The following ABCB1 variants were observed in gnomAD, a reference collection of about 807,000 sequenced individuals.
ABCB1 encodes the protein ATP-dependent translocase ABCB1.
In ABCB1, 69 loss-of-function variants were observed where a neutral mutation model predicts 142.0. The ratio of observed to expected loss-of-function variants is 0.49; its 90% CI spans 0.40 to 0.59. The LOEUF (loss-of-function observed/expected upper bound fraction) is 0.59. Among genes scored for constraint, ABCB1 ranks in the 20% least tolerant of loss-of-function variants. The pLI is 0.00. For missense variants in ABCB1, 1,326 were observed against 1,554.7 expected (o/e 0.85, Z 2.47); for synonymous variants, 532 against 539.2 (o/e 0.99, Z 0.18).
intron 20 of ABCB1, among the ~76,000 whole-genome samples, chr7:87,533,309 G>C (rs1455128579): frequency 1.3e-5 from 2 of 152,162 alleles, no homozygotes; most frequent in African/African-American, 4.8e-5. Flanking sequence ...GGGCTTGTGA[G>C]AGAAGCTCTT....
At chr7:87,660,960 G>C (rs769498687) in intron 1 of ABCB1, among the ~76,000 whole-genome samples, 21 of 152,004 alleles carry the variant, frequency 1.4e-4, no homozygotes, top group Middle Eastern at 3.5e-3. Context: ...ACTTACTTAA[G>C]GGCCTAGTTT....
At chr7:87,711,219 G>A (rs28381724) in intron 1 of ABCB1, among the ~76,000 whole-genome samples, 21,009 of 151,838 alleles carry the variant, frequency 0.14, 1,608 homozygotes, top group Admixed American at 0.23. Flanking sequence ...CCAGCTACTC[G>A]GGAGGCGGAG....
intron 1 of ABCB1, among the ~76,000 whole-genome samples, chr7:87,652,727 TC>T (rs1310445629): frequency 1.3e-5 from 2 of 151,046 alleles, no homozygotes; most frequent in African/African-American, 4.9e-5. Context: ...ATATATTATT[TC>T]CTATTTTTTG....
chr7:87,643,713 G>C (rs1226690445), intron 1 of ABCB1, among the ~76,000 whole-genome samples: 10 of 150,654 alleles, frequency 6.6e-5, no homozygotes, highest in Non-Finnish European at 1.5e-4. Flanking sequence ...TTTTAGTAGA[G>C]ACAGGGTTTC....
intron 1 of ABCB1, among the ~76,000 whole-genome samples, chr7:87,644,186 T>C (rs1173447230): frequency 6.6e-6 from 1 of 152,234 alleles, no homozygotes; most frequent in Non-Finnish European, 1.5e-5. Context: ...TGAAAAATTC[T>C]CTGTGTTTCT....
At chr7:87,506,430 C>T (rs1449679807) in intron 26 of ABCB1, among the ~76,000 whole-genome samples, 1 of 152,160 alleles carries the variant, frequency 6.6e-6, no homozygotes, top group Admixed American at 6.5e-5. Context: ...TTACTTGTAA[C>T]CAGCAGGTGA....
chr7:87,704,642 T>C (rs887710782), intron 1 of ABCB1, among the ~76,000 whole-genome samples: 1 of 152,338 alleles, frequency 6.6e-6, no homozygotes, highest in East Asian at 1.9e-4. Context: ...AGTACTGGTA[T>C]TGAGAATCAA....
intron 9 of ABCB1, among the ~76,000 whole-genome samples, chr7:87,551,442 T>C (rs1225793907): frequency 6.6e-6 from 1 of 152,240 alleles, no homozygotes; most frequent in Non-Finnish European, 1.5e-5. Flanking sequence ...TCACATTGTA[T>C]TCCGTAAGTG....
intron 1 of ABCB1, among the ~76,000 whole-genome samples, chr7:87,643,643 C>T (rs1167848785): frequency 2.6e-5 from 4 of 151,652 alleles, no homozygotes; most frequent in African/African-American, 9.7e-5. Flanking sequence ...GCCTCAGCCT[C>T]CTGAGTAGCT....
intron 1 of ABCB1, among the ~76,000 whole-genome samples, chr7:87,611,190 G>T (rs1195790271): frequency 6.6e-6 from 1 of 152,078 alleles, no homozygotes; most frequent in Non-Finnish European, 1.5e-5. Flanking sequence ...TCTGTCTTCT[G>T]CTTACCTCTA....
At chr7:87,584,787 T>C (rs1818662296) in intron 4 of ABCB1, among the ~76,000 whole-genome samples, 1 of 152,128 alleles carries the variant, frequency 6.6e-6, no homozygotes, top group African/African-American at 2.4e-5. Context: ...TTTTCCCACC[T>C]GTTACTGTTT....
intron 9 of ABCB1, among the ~76,000 whole-genome samples, chr7:87,551,554 C>A (rs959709456): frequency 3.0e-4 from 45 of 152,068 alleles, no homozygotes; most frequent in African/African-American, 1.0e-3. Context: ...TGCAGTGGTG[C>A]AATCTTGGCT....
intron 1 of ABCB1, among the ~76,000 whole-genome samples, chr7:87,622,725 A>G (rs1254733171): frequency 6.6e-6 from 1 of 152,216 alleles, no homozygotes; most frequent in African/African-American, 2.4e-5. Context: ...GCAGTGAAAC[A>G]TGTTAGAAAA....
chr7:87,588,052 C>A (rs549205148), intron 3 of ABCB1, among the ~76,000 whole-genome samples: 3 of 152,084 alleles, frequency 2.0e-5, no homozygotes, highest in Admixed American at 2.0e-4. Flanking sequence ...ATTGGAATTA[C>A]ATCTCTTAAT....
chr7:87,529,266 GTTA>G (rs753951156), intron 21 of ABCB1, among the ~76,000 whole-genome samples: 1 of 152,142 alleles, frequency 6.6e-6, no homozygotes, highest in African/African-American at 2.4e-5. Context: ...ATTCAACAGG[GTTA>G]TTGACAGCAT....
intron 20 of ABCB1, among the ~76,000 whole-genome samples, chr7:87,531,908 T>C (rs1027098667): frequency 7.9e-5 from 12 of 152,314 alleles, no homozygotes; most frequent in Admixed American, 4.6e-4. Context: ...AATATTCAAA[T>C]ATATCTGGGT....
intron 25 of ABCB1, among the ~76,000 whole-genome samples, chr7:87,514,073 G>A (rs1815129116): frequency 6.6e-6 from 1 of 152,186 alleles, no homozygotes; most frequent in South Asian, 2.1e-4. Flanking sequence ...AGGCATAACT[G>A]TCTTTGAATA....
intron 1 of ABCB1, among the ~76,000 whole-genome samples, chr7:87,686,126 CT>C (rs1026357579): frequency 6.6e-6 from 1 of 152,204 alleles, no homozygotes; most frequent in Admixed American, 6.5e-5. Context: ...ATACTTTCTG[CT>C]TTTTTTGGCT....
intron 1 of ABCB1, among the ~76,000 whole-genome samples, chr7:87,607,278 A>T (rs977864233): frequency 2.0e-5 from 3 of 152,190 alleles, no homozygotes; most frequent in African/African-American, 7.2e-5. Context: ...ATATACCTCC[A>T]CTTGAGGAAG....
Sources: allele counts gnomAD v4.1 joint callset (sites outside exome capture counted in the v4.1 genomes callset), GRCh38; gene constraint gnomAD v4.1.1; transcripts MANE v1.5; gene names NCBI Gene and HGNC (gene_info 2026-07-23, HGNC 2026-07-21).